The following ZNF385B variants were observed in gnomAD, a reference collection of about 807,000 sequenced individuals.
ZNF385B encodes the protein zinc finger protein 533.
In ZNF385B, 23 loss-of-function variants were observed where a neutral mutation model predicts 39.2. That is an observed-to-expected ratio of 0.59 (90% confidence interval 0.42 to 0.83). ZNF385B has a LOEUF of 0.83. ZNF385B is among the 40% of genes least tolerant of loss of function. ZNF385B has a pLI of 0.00. For missense variants in ZNF385B, 552 were observed against 598.9 expected (o/e 0.92, Z 0.82); for synonymous variants, 205 against 222.6 (o/e 0.92, Z 0.70).
At chr2:179,556,796 A>C (rs1426787676) in intron 3 of ZNF385B, among the ~76,000 whole-genome samples, 1 of 149,024 alleles carries the variant, frequency 6.7e-6, no homozygotes, top group Non-Finnish European at 1.5e-5. Context: ...TTCTTTGCTG[A>C]ATTTAGGAGG....
chr2:179,564,873 CT>C (rs1476256964), intron 3 of ZNF385B, among the ~76,000 whole-genome samples: 5 of 152,116 alleles, frequency 3.3e-5, no homozygotes, highest in Admixed American at 2.6e-4. Context: ...CTCCCTGCCC[CT>C]ATCCCCTCAC....
chr2:179,853,917 C>T (rs988401527), intron 1 of ZNF385B, among the ~76,000 whole-genome samples: 2 of 152,130 alleles, frequency 1.3e-5, no homozygotes, highest in African/African-American at 4.8e-5. Context: ...GAACCAAACT[C>T]GACATTTAGG....
intron 5 of ZNF385B, among the ~76,000 whole-genome samples, chr2:179,516,026 A>G (rs1383887738): frequency 2.0e-5 from 3 of 152,172 alleles, no homozygotes; most frequent in Admixed American, 6.5e-5. Context: ...AATGGCATAT[A>G]GTCTTTGTGT....
intron 3 of ZNF385B, among the ~76,000 whole-genome samples, chr2:179,655,815 A>T (rs1009458164): frequency 6.6e-6 from 1 of 152,190 alleles, no homozygotes; most frequent in African/African-American, 2.4e-5. Flanking sequence ...TTCGAGGCAA[A>T]AGTGATGTCA....
At chr2:179,527,742 A>G (rs1321896878) in intron 4 of ZNF385B, among the ~76,000 whole-genome samples, 4 of 152,122 alleles carry the variant, frequency 2.6e-5, no homozygotes, top group Non-Finnish European at 1.5e-5. Context: ...CAATTTGTTT[A>G]TATATTTACT....
chr2:179,458,405 G>A (rs1466240879), intron 6 of ZNF385B, among the ~76,000 whole-genome samples: 1 of 152,226 alleles, frequency 6.6e-6, no homozygotes, highest in Non-Finnish European at 1.5e-5. Context: ...ATGTGGAACT[G>A]TAAATCCATT....
intron 1 of ZNF385B, among the ~76,000 whole-genome samples, chr2:179,784,824 T>C (rs889083166): frequency 2.0e-5 from 3 of 152,068 alleles, no homozygotes; most frequent in Non-Finnish European, 4.4e-5. Flanking sequence ...AACCAAAACT[T>C]GTATACGCCG....
intron 5 of ZNF385B, among the ~76,000 whole-genome samples, chr2:179,492,916 A>G (rs1168712238): frequency 6.6e-6 from 1 of 152,148 alleles, no homozygotes; most frequent in Non-Finnish European, 1.5e-5. Context: ...GTAAAGTGCC[A>G]GATTAAACTA....
chr2:179,453,354 C>T (rs2050343507), intron 6 of ZNF385B, among the ~76,000 whole-genome samples: 1 of 152,078 alleles, frequency 6.6e-6, no homozygotes, highest in South Asian at 2.1e-4. Context: ...CCAACACAGT[C>T]CTGCAGGATT....
chr2:179,516,670 G>T (rs1452139168), intron 5 of ZNF385B, among the ~76,000 whole-genome samples: 1 of 152,006 alleles, frequency 6.6e-6, no homozygotes, highest in Non-Finnish European at 1.5e-5. Flanking sequence ...TTCTTAAGCA[G>T]ATACAAATAC....
At chr2:179,481,464 T>C (rs1157989721) in intron 6 of ZNF385B, among the ~76,000 whole-genome samples, 1 of 152,016 alleles carries the variant, frequency 6.6e-6, no homozygotes, top group Non-Finnish European at 1.5e-5. Flanking sequence ...AAAAATGGAT[T>C]CTTCTCTGAT....
intron 3 of ZNF385B, among the ~76,000 whole-genome samples, chr2:179,752,706 T>C (rs1702755451): frequency 6.6e-6 from 1 of 151,834 alleles, no homozygotes; most frequent in Admixed American, 6.6e-5. Flanking sequence ...CATTTTTTCA[T>C]TTGTCTGGCT....
chr2:179,801,854 G>A (rs573058321), intron 1 of ZNF385B, among the ~76,000 whole-genome samples: 1 of 152,092 alleles, frequency 6.6e-6, no homozygotes, highest in African/African-American at 2.4e-5. Context: ...AGAAACAAAG[G>A]GTGGCAGAAG....
intron 3 of ZNF385B, among the ~76,000 whole-genome samples, chr2:179,659,114 T>G (rs903067781): frequency 3.5e-4 from 54 of 152,224 alleles, no homozygotes; most frequent in Non-Finnish European, 3.7e-4. Flanking sequence ...AAATAAAGAC[T>G]GAAATTGTTC....
At chr2:179,704,278 T>C (rs1699424397) in intron 3 of ZNF385B, among the ~76,000 whole-genome samples, 1 of 152,178 alleles carries the variant, frequency 6.6e-6, no homozygotes, top group Non-Finnish European at 1.5e-5. Flanking sequence ...AAAGTGCTCA[T>C]ATAATACGGT....
intron 3 of ZNF385B, among the ~76,000 whole-genome samples, chr2:179,744,781 T>C (rs1354946111): frequency 1.3e-5 from 2 of 152,110 alleles, no homozygotes; most frequent in African/African-American, 2.4e-5. Context: ...CAACCTAATA[T>C]ACTAAACAGA....
chr2:179,504,684 G>A (rs1177153457), intron 5 of ZNF385B, among the ~76,000 whole-genome samples: 2 of 151,928 alleles, frequency 1.3e-5, no homozygotes, highest in East Asian at 3.9e-4. Flanking sequence ...GGGAGGGATA[G>A]CATTAGGAGA....
At chr2:179,494,112 T>G (rs969760204) in intron 5 of ZNF385B, among the ~76,000 whole-genome samples, 2 of 151,998 alleles carry the variant, frequency 1.3e-5, no homozygotes, top group African/African-American at 2.4e-5. Context: ...AACGTGCCAT[T>G]TTAAGTATCA....
chr2:179,784,939 A>G lies in ZNF385B; in HGVS notation c.-154-14267T>C, dbSNP rs1704899405. 2.0e-5 allele frequency among the ~76,000 whole-genome samples: 3 copies of G among 152,120 alleles called. No homozygotes were observed. The South Asian group carries it at 6.2e-4, about 32-fold the overall frequency. ...GCAATTTTATTCTTAGGTATACTAT[A>G]TCCAACAGAAATATGTAGATATATT... On this transcript the variant is annotated intron_variant, in intron 1 of 9. Transcript: ENST00000410066.
Sources: gnomAD v4.1 joint callset for allele counts (sites outside exome capture counted in the v4.1 genomes callset) on GRCh38, gnomAD v4.1.1 for gene constraint, MANE v1.5 for transcripts, NCBI Gene and HGNC (gene_info 2026-07-23, HGNC 2026-07-21) for gene names.